Variants in RBFOX1 observed in about 807,000 individuals in gnomAD.
RBFOX1 encodes RNA binding fox-1 homolog 1, also known as RNA binding protein fox-1 homolog 1.
RBFOX1 carries 8 observed loss-of-function variants against 57.7 expected under a neutral mutation model. The observed-to-expected ratio is 0.14, with a 90% CI of 0.08 to 0.25. The LOEUF (loss-of-function observed/expected upper bound fraction) is 0.25, where lower values mean the gene tolerates loss of function less well. RBFOX1 is among the 10% of genes least tolerant of loss of function. RBFOX1 has a pLI of 1.00. For synonymous variants in RBFOX1, 326 were observed against 222.4 expected, an observed-to-expected ratio of 1.47 and a Z score of -4.15; for missense variants, 611 against 548.5, an observed-to-expected ratio of 1.11 and a Z score of -1.14.
At chr16:6,037,332 G>A (rs1224056109) in intron 1 of RBFOX1, 2 of 152,114 alleles carry the variant, frequency 1.3e-5, no homozygotes, top group Non-Finnish European at 2.9e-5. Flanking sequence ...TGAAAGCCGT[G>A]TGCATGAGTT....
At chr16:5,590,740 A>C (rs1478337703) in intron 2 of RBFOX1, among the ~76,000 whole-genome samples, 1 of 152,214 alleles carries the variant, frequency 6.6e-6, no homozygotes, top group East Asian at 1.9e-4. Flanking sequence ...CAGATGCTTC[A>C]GCTCACACAG....
intron 2 of RBFOX1, among the ~76,000 whole-genome samples, chr16:5,495,848 G>A (rs754918728): frequency 5.9e-5 from 9 of 152,230 alleles, no homozygotes; most frequent in Non-Finnish European, 1.0e-4. Flanking sequence ...ATTAAGGGCT[G>A]AGCATGGTGG....
chr16:6,272,412 C>T (rs1192927744), intron 1 of RBFOX1, among the ~76,000 whole-genome samples: 2 of 152,098 alleles, frequency 1.3e-5, no homozygotes, highest in African/African-American at 2.4e-5. Context: ...TAACCAAATA[C>T]AACTTATATG....
At position 6,159,811 on chromosome 16, in the gene RBFOX1, T is replaced by A. The variant is rs530659127; in HGVS notation, c.-127+139819T>A. 5.1e-4 allele frequency among the ~76,000 whole-genome samples: 78 copies of A among 152,328 alleles called. 1 individual carries two copies. Among genetic ancestry groups the A allele is most frequent in the African/African-American group, 1.8e-3 (75 of 41,576 alleles). On this transcript the variant is annotated intron_variant, in intron 1 of 15. Coordinates refer to ENST00000550418, the MANE Select transcript of RBFOX1 (RefSeq NM_018723.4). ...GTACAAAAATGACAGAAGACTGACT[T>A]GAAGTGGGCATGCAAAGTAACATTG...
intron 1 of RBFOX1, among the ~76,000 whole-genome samples, chr16:5,395,601 G>A (rs536029217): frequency 7.2e-5 from 11 of 152,240 alleles, no homozygotes; most frequent in African/African-American, 2.6e-4. Context: ...GTGGTCCTTA[G>A]GATCTCCACT....
intron 1 of RBFOX1, among the ~76,000 whole-genome samples, chr16:6,143,686 G>C (rs754816802): frequency 4.0e-5 from 6 of 151,706 alleles, no homozygotes; most frequent in Non-Finnish European, 8.9e-5. Context: ...CAGGATGGTG[G>C]TAGCAGCGGT....
intron 1 of RBFOX1, among the ~76,000 whole-genome samples, chr16:6,123,838 G>A (rs1034893241): frequency 6.6e-6 from 1 of 152,206 alleles, no homozygotes; most frequent in East Asian, 1.9e-4. Context: ...CTGGGAAGTG[G>A]AGGTTGCAGT....
At chr16:7,096,012 C>CAA (rs71408498) in intron 4 of RBFOX1, among the ~76,000 whole-genome samples, 1,357 of 111,344 alleles carry the variant, frequency 0.012, 23 homozygotes, top group Admixed American at 0.033. Flanking sequence ...GACTCTGTCT[C>CAA]AAAAAAAAAA....
chr16:5,664,155 T>C (rs577452981), intron 3 of RBFOX1, among the ~76,000 whole-genome samples: 6 of 152,312 alleles, frequency 3.9e-5, no homozygotes, highest in South Asian at 2.1e-4. Flanking sequence ...GTTTCTTCGA[T>C]TGGCTAAATT....
intron 3 of RBFOX1, among the ~76,000 whole-genome samples, chr16:7,043,294 A>G (rs1176470459): frequency 1.3e-5 from 2 of 152,132 alleles, no homozygotes; most frequent in Admixed American, 6.6e-5. Context: ...ACGACCCTGT[A>G]TCATCATCAT....
chr16:7,683,811 A>G (rs2075448040), intron 14 of RBFOX1, among the ~76,000 whole-genome samples: 1 of 150,990 alleles, frequency 6.6e-6, no homozygotes, highest in African/African-American at 2.4e-5. Flanking sequence ...ATATACGTGC[A>G]AAGCCCTATG....
chr16:7,576,896 C>G (rs1222812429), intron 5 of RBFOX1, among the ~76,000 whole-genome samples: 1 of 152,118 alleles, frequency 6.6e-6, no homozygotes, highest in African/African-American at 2.4e-5. Flanking sequence ...AGGGTTTCAG[C>G]TACAGCATCT....
chr16:7,038,212 G>C lies in RBFOX1; in HGVS notation c.-15-13845G>C, dbSNP rs1276608233. The stretch of plus-strand genomic sequence containing the variant: ...ACGATGGTCCCAGGAGACCGGTTCA[G>C]GGAAGCATGCCAAGCCCTTTTAGTT... On this transcript the variant is annotated intron_variant, in intron 3 of 15. Transcript: ENST00000550418. Among the ~76,000 whole-genome samples the C allele has an allele frequency of 2.0e-5, 3 of 152,108 alleles. No individual in the cohort carries two copies. In the East Asian group the frequency reaches 5.8e-4, roughly 29 times the overall value.
chr16:5,512,138 G>C (rs887809407), intron 2 of RBFOX1, among the ~76,000 whole-genome samples: 1 of 152,206 alleles, frequency 6.6e-6, no homozygotes, highest in Non-Finnish European at 1.5e-5. Flanking sequence ...TCTGCTAAGT[G>C]GTGGAGATAA....
intron 1 of RBFOX1, among the ~76,000 whole-genome samples, chr16:6,121,738 C>G (rs2096551345): frequency 1.3e-5 from 2 of 152,118 alleles, no homozygotes; most frequent in African/African-American, 4.8e-5. Context: ...CATTTACCAG[C>G]TGGGTGAAGG....
intron 3 of RBFOX1, among the ~76,000 whole-genome samples, chr16:5,784,508 T>C (rs1257407370): frequency 6.6e-6 from 1 of 151,952 alleles, no homozygotes; most frequent in African/African-American, 2.4e-5. Flanking sequence ...TACTACACAC[T>C]TTTAAACAAC....
chr16:6,925,382 C>G (rs901612528), intron 3 of RBFOX1, among the ~76,000 whole-genome samples: 1 of 151,764 alleles, frequency 6.6e-6, no homozygotes, highest in Non-Finnish European at 1.5e-5. Context: ...GCCTTGGTCT[C>G]CGAACGTGCC....
intron 3 of RBFOX1, among the ~76,000 whole-genome samples, chr16:6,970,958 C>G (rs548668536): frequency 6.6e-6 from 1 of 152,268 alleles, no homozygotes; most frequent in South Asian, 2.1e-4. Context: ...ACGTGCATAC[C>G]TACCCATTTC....
At chr16:6,768,982 C>T (rs999373102) in intron 3 of RBFOX1, among the ~76,000 whole-genome samples, 1 of 152,146 alleles carries the variant, frequency 6.6e-6, no homozygotes, top group Non-Finnish European at 1.5e-5. Context: ...CTGCCTCGGG[C>T]TCCCAAAGTG....
Sources: gnomAD v4.1 joint callset for allele counts (sites outside exome capture counted in the v4.1 genomes callset) on GRCh38, gnomAD v4.1.1 for gene constraint, MANE v1.5 for transcripts, NCBI Gene and HGNC (gene_info 2026-07-23, HGNC 2026-07-21) for gene names.